The following SLIT2 variants were observed in gnomAD, a reference collection of about 807,000 sequenced individuals.
SLIT2 encodes slit homolog 2 protein.
In SLIT2, 41 loss-of-function variants were observed where a neutral mutation model predicts 185.7. The observed-to-expected ratio is 0.22, with a 90% CI of 0.17 to 0.29. SLIT2 has a LOEUF of 0.29. Ranked by LOEUF, SLIT2 falls within the 10% of genes least tolerant of loss-of-function variation. The pLI, the probability that SLIT2 is intolerant of heterozygous loss-of-function variation, is 1.00. For missense variants in SLIT2, 1,571 were observed against 1,909.0 expected, an observed-to-expected ratio of 0.82 and a Z score of 3.30; for synonymous variants, 693 against 680.2, an observed-to-expected ratio of 1.02 and a Z score of -0.29.
intron 4 of SLIT2, among the ~76,000 whole-genome samples, chr4:20,355,911 T>G (rs1722282894): frequency 6.6e-6 from 1 of 152,110 alleles, no homozygotes; most frequent in African/African-American, 2.4e-5. Context: ...CTAATGTAAT[T>G]CAATTTATAA....
chr4:20,367,874 A>C (rs1723233986), intron 4 of SLIT2, among the ~76,000 whole-genome samples: 1 of 152,128 alleles, frequency 6.6e-6, no homozygotes, highest in South Asian at 2.1e-4. Context: ...GGATCCATTC[A>C]GTCCATTCTT....
intron 24 of SLIT2, 152 bp from the exon 25 acceptor site, chr4:20,550,675 A>G: frequency 2.3e-6 from 1 of 431,166 alleles, no homozygotes; most frequent in Non-Finnish European, 4.1e-6. Flanking sequence ...TTGCTTTCTC[A>G]GGTATCCAGT....
At chr4:20,601,435 T>C (rs749979335) in intron 33 of SLIT2, among the ~76,000 whole-genome samples, 4 of 152,236 alleles carry the variant, frequency 2.6e-5, no homozygotes, top group Non-Finnish European at 5.9e-5. Context: ...GTATCACAAA[T>C]TCAGGATGTC....
At chr4:20,270,562 G>A (rs372716643) in intron 4 of SLIT2, among the ~76,000 whole-genome samples, 19 of 152,106 alleles carry the variant, frequency 1.2e-4, no homozygotes, top group African/African-American at 4.6e-4. Flanking sequence ...ATGCGTGTTG[G>A]AAAATGGGGA....
intron 4 of SLIT2, among the ~76,000 whole-genome samples, chr4:20,396,206 A>G (rs1319744581): frequency 1.3e-5 from 2 of 151,970 alleles, no homozygotes; most frequent in Non-Finnish European, 1.5e-5. Flanking sequence ...ATATAAATGT[A>G]TGTGTGTATG....
chr4:20,501,731 A>G (rs750562198), intron 9 of SLIT2, among the ~76,000 whole-genome samples: 3 of 152,194 alleles, frequency 2.0e-5, no homozygotes, highest in Non-Finnish European at 4.4e-5. Flanking sequence ...GCAGGCCATT[A>G]TTGAGTTCAC....
intron 4 of SLIT2, among the ~76,000 whole-genome samples, chr4:20,346,940 T>C (rs922439284): frequency 2.0e-5 from 3 of 152,190 alleles, no homozygotes; most frequent in African/African-American, 4.8e-5. Context: ...CCCACCCGGA[T>C]TGAGGATGGG....
intron 4 of SLIT2, among the ~76,000 whole-genome samples, chr4:20,460,362 T>G (rs1364392322): frequency 1.3e-5 from 2 of 152,216 alleles, no homozygotes; most frequent in Admixed American, 1.3e-4. Flanking sequence ...TTTTAAAAAT[T>G]AACATAAATT....
At chr4:20,347,647 G>C (rs1339019673) in intron 4 of SLIT2, among the ~76,000 whole-genome samples, 1 of 152,172 alleles carries the variant, frequency 6.6e-6, no homozygotes, top group Non-Finnish European at 1.5e-5. Context: ...CATCCATCAG[G>C]CTTAGCTAAA....
intron 4 of SLIT2, among the ~76,000 whole-genome samples, chr4:20,407,830 A>G (rs898137471): frequency 2.0e-5 from 3 of 152,192 alleles, no homozygotes; most frequent in Admixed American, 1.3e-4. Context: ...TAAGTTTCCA[A>G]TGAAAAATTT....
At chr4:20,539,147 C>A (rs1157320207) in intron 18 of SLIT2, among the ~76,000 whole-genome samples, 1 of 152,150 alleles carries the variant, frequency 6.6e-6, no homozygotes, top group East Asian at 1.9e-4. Flanking sequence ...TGCAATCACG[C>A]AAACATAATT....
chr4:20,561,145 G>A (rs1049092832), intron 26 of SLIT2, among the ~76,000 whole-genome samples: 12 of 151,790 alleles, frequency 7.9e-5, no homozygotes, highest in Non-Finnish European at 1.5e-5. Context: ...AAGGGGAGGG[G>A]TCTGGTAGCC....
At chr4:20,477,440 C>T (rs936505635) in intron 5 of SLIT2, among the ~76,000 whole-genome samples, 18 of 152,076 alleles carry the variant, frequency 1.2e-4, no homozygotes, top group African/African-American at 4.3e-4. Flanking sequence ...CTCGGGTCAT[C>T]CACCTGCCTC....
chr4:20,586,974 T>C (rs530996754), intron 29 of SLIT2, among the ~76,000 whole-genome samples: 128 of 152,122 alleles, frequency 8.4e-4, no homozygotes, highest in African/African-American at 3.1e-3. Flanking sequence ...ATGCAGAAAA[T>C]GTTTTTGTAA....
intron 4 of SLIT2, among the ~76,000 whole-genome samples, chr4:20,324,711 T>C (rs1478262421): frequency 1.3e-5 from 2 of 152,158 alleles, no homozygotes; most frequent in Non-Finnish European, 2.9e-5. Context: ...CCATAATATA[T>C]ATACTTCAAA....
At chr4:20,372,049 A>T (rs890239303) in intron 4 of SLIT2, among the ~76,000 whole-genome samples, 1 of 152,132 alleles carries the variant, frequency 6.6e-6, no homozygotes, top group Non-Finnish European at 1.5e-5. Flanking sequence ...CTTCAAGTGG[A>T]TGAGAGGGTT....
At chr4:20,473,961 T>C (rs1019699446) in intron 5 of SLIT2, among the ~76,000 whole-genome samples, 2 of 152,076 alleles carry the variant, frequency 1.3e-5, no homozygotes, top group African/African-American at 4.8e-5. Context: ...AATCCATTGA[T>C]ATCAGATTGC....
chr4:20,603,179 G>A (rs1728535412), intron 33 of SLIT2, among the ~76,000 whole-genome samples: 2 of 152,140 alleles, frequency 1.3e-5, no homozygotes, highest in African/African-American at 4.8e-5. Flanking sequence ...TTACATGGTG[G>A]CAGACAAGAG....
rs191128745 is a variant in SLIT2 at position 20,614,319 on chromosome 4, C to T, written c.3848-2591C>T. Among the ~76,000 whole-genome samples, 362 of 152,280 alleles carry T rather than the reference C, an allele frequency of 2.4e-3. 1 individual carries two copies. The highest frequency in any genetic ancestry group is 3.9e-3 in the Non-Finnish European group (268 of 68,026). On this transcript the variant is annotated intron_variant, in intron 34 of 36. Transcript: ENST00000504154. ...ATGTCCTCCTTGTCCTGCCACGGGACAGAGGACCTAGGCTTGATACTTGGT... is the reference window on the plus strand; with the variant it reads ...ATGTCCTCCTTGTCCTGCCACGGGATAGAGGACCTAGGCTTGATACTTGGT...
Sources: gnomAD v4.1 joint callset for allele counts (sites outside exome capture counted in the v4.1 genomes callset) on GRCh38, gnomAD v4.1.1 for gene constraint, MANE v1.5 for transcripts, NCBI Gene and HGNC (gene_info 2026-07-23, HGNC 2026-07-21) for gene names.